ULK4: variants seen among roughly 807,000 people sequenced by gnomAD.
ULK4 encodes the protein inactive serine/threonine-protein kinase ULK4.
In ULK4, 133 loss-of-function variants were observed where a neutral mutation model predicts 160.6. The ratio of observed to expected loss-of-function variants is 0.83; its 90% CI spans 0.72 to 0.96. The LOEUF (loss-of-function observed/expected upper bound fraction) is 0.96, where lower values mean the gene tolerates loss of function less well. Ranked by LOEUF, ULK4 falls within the 40% of genes least tolerant of loss-of-function variation. The probability of loss-of-function intolerance (pLI) is 0.00; values close to 1 mark genes in which losing one functional copy is unlikely to be tolerated. For synonymous variants in ULK4, 534 were observed against 539.8 expected (o/e 0.99, Z 0.15); for missense variants, 1,580 against 1,499.5 (o/e 1.05, Z -0.89).
chr3:41,498,672 T>C lies in ULK4; in HGVS notation c.3227-35419A>G, dbSNP rs2085080743. 2.0e-5 allele frequency among the ~76,000 whole-genome samples: 3 copies of C among 151,872 alleles called. No homozygotes were observed. The South Asian group carries it at 6.2e-4, about 32-fold the overall frequency. ...GTGCAGTGGCACGATCTCAGCCCAC[T>C]GCAAGCTCTGCCTCCTGGGTTCACG... On this transcript the variant is annotated intron_variant, in intron 32 of 36. Coordinates refer to ENST00000301831, the MANE Select transcript of ULK4 (RefSeq NM_017886.4).
At chr3:41,547,352 G>T (rs1245964717) in intron 32 of ULK4, among the ~76,000 whole-genome samples, 1 of 152,146 alleles carries the variant, frequency 6.6e-6, no homozygotes, top group African/African-American at 2.4e-5. Context: ...GAGAGCACTA[G>T]AATTCAGCAG....
At chr3:41,458,552 A>C (rs775700038) in intron 33 of ULK4, among the ~76,000 whole-genome samples, 61 of 152,148 alleles carry the variant, frequency 4.0e-4, no homozygotes, top group Non-Finnish European at 7.8e-4. Context: ...TTAAATAGCA[A>C]TACAGCATTA....
At chr3:41,301,526 T>C (rs2079797412) in intron 35 of ULK4, among the ~76,000 whole-genome samples, 2 of 152,152 alleles carry the variant, frequency 1.3e-5, no homozygotes, top group Admixed American at 1.3e-4. Context: ...AATCAGACAA[T>C]AGCTTAAGCA....
chr3:41,398,180 C>G lies in ULK4; in HGVS notation c.3577G>C (p.Asp1193His). The G allele has an allele frequency of 6.2e-7, 1 of 1,613,446 alleles. No individual in the cohort carries two copies. The highest frequency in any genetic ancestry group is 1.1e-5 in the South Asian group (1 of 91,064). ...TCCACATTTTCAGGAGAGAGGCTGTCCGGGTTTTCCCCTCCATACAGCTGA... is the reference window on the plus strand; with the variant it reads ...TCCACATTTTCAGGAGAGAGGCTGTGCGGGTTTTCCCCTCCATACAGCTGA... ...LVQLYGGENPDSLSPENVEIF... is the reference protein window; with the variant it reads ...LVQLYGGENPHSLSPENVEIF... The change falls in exon 35 of 37, where the codon GAC becomes CAC. Residue 1193 changes from aspartate to histidine, a missense_variant. Asp to His is a moderately conservative substitution (Grantham distance 81, BLOSUM62 -1). Transcript: ENST00000301831.
intron 35 of ULK4, among the ~76,000 whole-genome samples, chr3:41,349,283 C>CAT (rs2080865026): frequency 6.6e-6 from 1 of 152,182 alleles, no homozygotes; most frequent in African/African-American, 2.4e-5. Context: ...GGAAGGCAGT[C>CAT]ATAGACTCTT....
chr3:41,914,421 A>G (rs1717034), intron 8 of ULK4, among the ~76,000 whole-genome samples: 104,160 of 152,184 alleles, frequency 0.68, 39,203 homozygotes, highest in East Asian at 0.83. Context: ...AACAAGGCAC[A>G]CTGTAGATGA....
At chr3:41,844,242 G>A (rs115777310) in intron 17 of ULK4, among the ~76,000 whole-genome samples, 8,886 of 152,140 alleles carry the variant, frequency 0.058, 822 homozygotes, top group African/African-American at 0.2. Context: ...GGGGAGACTC[G>A]GGCTGCACAG....
intron 32 of ULK4, among the ~76,000 whole-genome samples, chr3:41,507,018 A>T (rs956499011): frequency 6.7e-6 from 1 of 150,234 alleles, no homozygotes; most frequent in Non-Finnish European, 1.5e-5. Context: ...ATACATATGT[A>T]CATATTTGCT....
chr3:41,628,050 G>A (rs994728445), intron 30 of ULK4, among the ~76,000 whole-genome samples: 1 of 152,176 alleles, frequency 6.6e-6, no homozygotes, highest in Non-Finnish European at 1.5e-5. Context: ...TAAGCAAAAT[G>A]ACACAGAAAG....
At chr3:41,258,062 C>T (rs1179339297) in intron 35 of ULK4, among the ~76,000 whole-genome samples, 1 of 152,168 alleles carries the variant, frequency 6.6e-6, no homozygotes, top group African/African-American at 2.4e-5. Context: ...TGGACTGCTT[C>T]TGTCTCCCAG....
intron 27 of ULK4, among the ~76,000 whole-genome samples, chr3:41,691,940 C>T (rs2036314082): frequency 7.3e-6 from 1 of 137,092 alleles, no homozygotes; most frequent in Admixed American, 7.2e-5. Flanking sequence ...CATCAAATCA[C>T]TTCTTTTTTT....
chr3:41,815,985 G>A (rs2040951423), intron 19 of ULK4, among the ~76,000 whole-genome samples: 2 of 152,086 alleles, frequency 1.3e-5, no homozygotes, highest in Non-Finnish European at 2.9e-5. Context: ...ATGGTGGCAT[G>A]CATAACTACA....
At chr3:41,859,105 C>CA (rs1296447008) in intron 17 of ULK4, among the ~76,000 whole-genome samples, 1 of 152,184 alleles carries the variant, frequency 6.6e-6, no homozygotes, top group Non-Finnish European at 1.5e-5. Context: ...AGTACATAAT[C>CA]ATTTTCTGGA....
intron 18 of ULK4, among the ~76,000 whole-genome samples, chr3:41,828,316 A>G (rs1490768679): frequency 6.7e-6 from 1 of 149,362 alleles, no homozygotes; most frequent in East Asian, 1.9e-4. Context: ...AGGCAGGAGA[A>G]GGAAATAAAG....
At chr3:41,907,965 A>G in intron 11 of ULK4, 24 bp from the exon 12 acceptor site, 1 of 1,528,772 alleles carries the variant, frequency 6.5e-7, no homozygotes, top group Non-Finnish European at 8.9e-7. Flanking sequence ...ACCAGTTAAC[A>G]TTATTCAATT....
chr3:41,784,014 G>C (rs1052956705), intron 21 of ULK4, among the ~76,000 whole-genome samples: 15 of 152,106 alleles, frequency 9.9e-5, no homozygotes, highest in Non-Finnish European at 2.1e-4. Context: ...TCTTCTACTT[G>C]ATCAGGTCTT....
At chr3:41,469,561 T>A (rs1287262867) in intron 32 of ULK4, among the ~76,000 whole-genome samples, 18 of 82,864 alleles carry the variant, frequency 2.2e-4, no homozygotes, top group Non-Finnish European at 4.0e-4. Flanking sequence ...CCGGCCCATC[T>A]ACAATAAAAG....
intron 35 of ULK4, among the ~76,000 whole-genome samples, chr3:41,371,156 T>C (rs1338376661): frequency 6.6e-6 from 1 of 152,164 alleles, no homozygotes; most frequent in Non-Finnish European, 1.5e-5. Context: ...CAGGGTACTG[T>C]AGATCAAACT....
At chr3:41,341,663 C>T (rs768702238) in intron 35 of ULK4, among the ~76,000 whole-genome samples, 1 of 152,098 alleles carries the variant, frequency 6.6e-6, no homozygotes, top group Non-Finnish European at 1.5e-5. Flanking sequence ...ATGAAGAGCT[C>T]GGGGCTGCAG....
Sources: allele counts gnomAD v4.1 joint callset (sites outside exome capture counted in the v4.1 genomes callset), GRCh38; gene constraint gnomAD v4.1.1; transcripts MANE v1.5; gene names NCBI Gene and HGNC (gene_info 2026-07-23, HGNC 2026-07-21).